NBPF12: variants seen among roughly 807,000 people sequenced by gnomAD.
The protein encoded by NBPF12 is NBPF member 12, also known as NBPF family member NBPF12.
A neutral mutation model predicts 146.4 loss-of-function variants in NBPF12; 115 were observed. That is an observed-to-expected ratio of 0.79 (90% CI 0.68 to 0.92). The LOEUF is 0.92. Among genes scored for constraint, NBPF12 ranks in the 40% least tolerant of loss-of-function variants. The pLI, the probability that NBPF12 is intolerant of heterozygous loss-of-function variation, is 0.00. For missense variants in NBPF12, 1,205 were observed against 1,326.8 expected, an observed-to-expected ratio of 0.91 and a Z score of 1.43; for synonymous variants, 385 against 508.9, an observed-to-expected ratio of 0.76 and a Z score of 3.28.
chr1:146,990,667 G>GT (rs1658084852), intron 29 of NBPF12, 150 bp downstream of exon 32: 3 of 572,924 alleles, frequency 5.2e-6, no homozygotes, highest in Non-Finnish European at 9.0e-6. Context: ...TGCAGTAGAT[G>GT]TTTAGGTTTC....
intron 11 of NBPF12, among the ~76,000 whole-genome samples, chr1:146,970,243 T>C (rs1210087084): frequency 6.7e-6 from 1 of 150,302 alleles, no homozygotes; most frequent in Non-Finnish European, 1.5e-5. Context: ...TCATGACGAA[T>C]AGAGGACTGT....
exon 34 of NBPF12, chr1:146,995,694 T>G (rs1658498618): frequency 6.7e-6 from 1 of 150,010 alleles, no homozygotes; most frequent in South Asian, 2.1e-4. Context: ...TGCTGTGAGT[T>G]TCCAACCTCA....
exon 34 of NBPF12, chr1:146,994,395 T>G (rs200999858): frequency 2.7e-5 from 44 of 1,612,180 alleles, no homozygotes; most frequent in South Asian, 7.7e-5. Context: ...TGGATAGATG[T>G]TATTCGACTC....
At chr1:146,945,714 T>A (rs2101813414), upstream of NBPF12, among the ~76,000 whole-genome samples, 1 of 152,088 alleles carries the variant, frequency 6.6e-6, no homozygotes, top group Non-Finnish European at 1.5e-5. Context: ...TCCCCTGTCC[T>A]CCAGCACACA....
chr1:146,984,647 C>A (rs1358371765), intron 21 of NBPF12, among the ~76,000 whole-genome samples, 166 bp from the exon 25 acceptor site: 3 of 140,544 alleles, frequency 2.1e-5, no homozygotes, highest in Non-Finnish European at 4.5e-5. Flanking sequence ...TCCTTTTCTA[C>A]CTGGCCCTAG....
intron 19 of NBPF12, among the ~76,000 whole-genome samples, chr1:146,981,277 T>TAAAAA (rs878971787): frequency 9.9e-6 from 1 of 101,284 alleles, no homozygotes; most frequent in Admixed American, 1.2e-4. Context: ...CTTAAAGTAT[T>TAAAAA]AAAAAAAAAA....
At position 146,970,798 on chromosome 1, in the gene NBPF12, A is replaced by G. The variant is rs1303842232; in HGVS notation, c.1379+79A>G. 17 of 1,187,920 alleles carry G rather than the reference A, an allele frequency of 1.4e-5. No individual in the cohort carries two copies. The Middle Eastern group carries it at 8.3e-4, about 58-fold the overall frequency. 73.6% of individuals were successfully genotyped at this position (1,187,920 alleles called of 1,614,324 possible). On this transcript the variant is annotated intron_variant, in intron 12 of 33. Transcript: ENST00000617844. ...AGGAGGCATGCCCTCTCTGGCATCT[A>G]TGATGGGCCAAAAGCCCGCATTCCC...
intron 31 of NBPF12, among the ~76,000 whole-genome samples, chr1:146,992,284 T>G (rs1190330162): frequency 1.7e-5 from 2 of 118,140 alleles, no homozygotes; most frequent in African/African-American, 6.6e-5. Flanking sequence ...ATTCTCATGG[T>G]GACTGCATGG....
At chr1:146,994,464 A>T (rs587736656) in exon 34 of NBPF12, 3 of 1,611,284 alleles carry the variant, frequency 1.9e-6, no homozygotes, top group East Asian at 2.2e-5. Context: ...TGTTTTACTC[A>T]TTTGAGGAAC....
At chr1:146,967,049 T>G (rs1656257321) in intron 9 of NBPF12, among the ~76,000 whole-genome samples, 1 of 151,350 alleles carries the variant, frequency 6.6e-6, no homozygotes, top group Non-Finnish European at 1.5e-5. Context: ...CTAGTGAACT[T>G]TTATTCAGTC....
At chr1:146,950,771 A>G (rs1360795898) in intron 1 of NBPF12, among the ~76,000 whole-genome samples, 1 of 152,118 alleles carries the variant, frequency 6.6e-6, no homozygotes, top group Non-Finnish European at 1.5e-5. Context: ...ATTTGAATGT[A>G]TATTGATAGA....
In NBPF12 at chr1:146,977,980, A is replaced by G. The variant is rs1416576074; in HGVS notation, c.2398+309A>G. Among the ~76,000 whole-genome samples, 4 of 151,928 alleles carry G rather than the reference A, an allele frequency of 2.6e-5. No individual in the cohort carries two copies. The East Asian group carries it at 7.7e-4, about 29-fold the overall frequency. ...ATCTCTTGTCATCTGTGATTTAGTC[A>G]TCTGTCCATGAACAATGTCCATGGA... On this transcript the variant is annotated intron_variant, in intron 18 of 33. Transcript: ENST00000617844.
intron 5 of NBPF12, among the ~76,000 whole-genome samples, chr1:146,962,709 C>A (rs1388436899): frequency 6.7e-6 from 1 of 148,764 alleles, no homozygotes. Flanking sequence ...CCCATCTGCA[C>A]CTGGCCTCAT....
exon 11 of NBPF12, chr1:146,969,405 C>T (rs1656431927): frequency 7.7e-7 from 1 of 1,298,520 alleles, no homozygotes; most frequent in African/African-American, 1.5e-5. Context: ...CTGGTTCACT[C>T]TCAGGAACGA....
At chr1:146,964,458 T>C (rs1656061587) in intron 7 of NBPF12, 29 bp downstream of exon 10, 8 of 1,596,008 alleles carry the variant, frequency 5.0e-6, no homozygotes, top group East Asian at 4.5e-5. Flanking sequence ...GAGCAAGTAA[T>C]GGGTGGTAAC....
At chr1:146,972,288 G>A (rs1165190677) in intron 13 of NBPF12, among the ~76,000 whole-genome samples, 1 of 151,094 alleles carries the variant, frequency 6.6e-6, no homozygotes, top group African/African-American at 2.5e-5. Context: ...CAGATGCTTG[G>A]CAGGCTGAGT....
intron 1 of NBPF12, among the ~76,000 whole-genome samples, chr1:146,950,619 A>G (rs1328717189): frequency 6.6e-5 from 10 of 150,702 alleles, no homozygotes; most frequent in Admixed American, 1.3e-4. Flanking sequence ...TTTTTCTCAC[A>G]CTCTTTTGCG....
At chr1:146,957,103 G>GGT (rs1383991991) in intron 2 of NBPF12, 1 of 98,410 alleles carries the variant, frequency 1.0e-5, no homozygotes, top group Non-Finnish European at 2.2e-5. Flanking sequence ...GGTGGGGGAA[G>GGT]GTGTCTGTCC....
chr1:146,965,038 T>C, exon 8 of NBPF12: 1 of 1,608,590 alleles, frequency 6.2e-7, no homozygotes, highest in Non-Finnish European at 8.5e-7. Flanking sequence ...CAAAGTCAAC[T>C]CAACTGTGGT....
Sources: allele counts gnomAD v4.1 joint callset (sites outside exome capture counted in the v4.1 genomes callset), GRCh38; gene constraint gnomAD v4.1.1; transcripts MANE v1.5; gene names NCBI Gene and HGNC (gene_info 2026-07-23, HGNC 2026-07-21).